Variants in UNC79 observed in about 807,000 individuals in gnomAD.
The protein encoded by UNC79 is unc-79 subunit of NALCN channel complex, also known as protein unc-79 homolog.
UNC79 carries 37 observed loss-of-function variants against 283.1 expected under a neutral mutation model. The ratio of observed to expected loss-of-function variants is 0.13; its 90% CI spans 0.10 to 0.17. UNC79 has a LOEUF of 0.17. UNC79 is among the 10% of genes least tolerant of loss of function. UNC79 has a pLI of 1.00. For missense variants in UNC79, 2,272 were observed against 3,211.1 expected, an observed-to-expected ratio of 0.71 and a Z score of 7.07; for synonymous variants, 1,107 against 1,200.2, an observed-to-expected ratio of 0.92 and a Z score of 1.61.
At chr14:93,360,861 C>G (rs2054205580) in intron 1 of UNC79, among the ~76,000 whole-genome samples, 1 of 152,028 alleles carries the variant, frequency 6.6e-6, no homozygotes, top group African/African-American at 2.4e-5. Flanking sequence ...TGGGGCCTGT[C>G]AAGATATTCC....
intron 1 of UNC79, among the ~76,000 whole-genome samples, chr14:93,405,890 A>G (rs111873842): frequency 3.6e-4 from 55 of 152,200 alleles, no homozygotes; most frequent in Non-Finnish European, 7.3e-4. Context: ...TACTTTCCCC[A>G]ATATCAGAAG....
At chr14:93,701,039 C>T (rs1722218640) in intron 47 of UNC79, among the ~76,000 whole-genome samples, 1 of 152,086 alleles carries the variant, frequency 6.6e-6, no homozygotes, top group African/African-American at 2.4e-5. Context: ...GTCCAGTACT[C>T]TACCTTGAAA....
chr14:93,371,851 C>T (rs559915842), intron 1 of UNC79, among the ~76,000 whole-genome samples: 1 of 150,968 alleles, frequency 6.6e-6, no homozygotes, highest in Admixed American at 6.6e-5. Context: ...AAAAAAAAAA[C>T]CAAAAAAAAC....
chr14:93,654,653 T>C (rs547797734), intron 37 of UNC79, among the ~76,000 whole-genome samples: 1 of 151,030 alleles, frequency 6.6e-6, no homozygotes, highest in African/African-American at 2.4e-5. Flanking sequence ...GAAATAGAAT[T>C]GCATAGAATA....
intron 22 of UNC79, among the ~76,000 whole-genome samples, chr14:93,588,680 G>T (rs1286583530): frequency 1.4e-5 from 2 of 145,722 alleles, no homozygotes; most frequent in Non-Finnish European, 3.0e-5. Context: ...GGTGGAGCTT[G>T]CAGTGAGCCG....
At position 93,524,084 on chromosome 14, in the gene UNC79, G is replaced by T. The variant is rs780116453; in HGVS notation, c.963+42G>T. ...CCTGGTGCCATACTGTATTGTCAGT[G>T]GTCAAATTGCTGAATGAAGTGGAGT... is the stretch of plus-strand genomic sequence containing the variant. On this transcript the variant is annotated intron_variant, in intron 8 of 48. Coordinates refer to ENST00000555664, the Ensembl canonical transcript of UNC79. 5 of 1,605,926 alleles carry T rather than the reference G, an allele frequency of 3.1e-6. No homozygotes were observed. In the South Asian group the frequency reaches 3.3e-5, roughly 11 times the overall value.
chr14:93,672,865 G>T (rs1366609706), intron 40 of UNC79, among the ~76,000 whole-genome samples: 1 of 152,182 alleles, frequency 6.6e-6, no homozygotes, highest in African/African-American at 2.4e-5. Context: ...AAAGCAAAAT[G>T]ATGTGATCTG....
intron 1 of UNC79, among the ~76,000 whole-genome samples, chr14:93,449,909 C>G (rs1036806100): frequency 6.6e-6 from 1 of 152,126 alleles, no homozygotes; most frequent in Non-Finnish European, 1.5e-5. Flanking sequence ...ATCTTTTAAT[C>G]TGGTGGTGGG....
chr14:93,577,879 A>C, exon 18 of UNC79: 1 of 1,614,236 alleles, frequency 6.2e-7, no homozygotes, highest in South Asian at 1.1e-5. Context: ...CGAGTTCAGC[A>C]CAATATGCTT....
At chr14:93,536,351 T>C (rs1392704271) in intron 11 of UNC79, among the ~76,000 whole-genome samples, 4 of 152,082 alleles carry the variant, frequency 2.6e-5, no homozygotes, top group Non-Finnish European at 5.9e-5. Flanking sequence ...CTTAGTTAGG[T>C]GCGAGTCCTG....
chr14:93,555,863 G>A (rs1455607889), intron 14 of UNC79, among the ~76,000 whole-genome samples: 1 of 152,168 alleles, frequency 6.6e-6, no homozygotes, highest in Non-Finnish European at 1.5e-5. Context: ...CTTAAACCAA[G>A]GGAGAAATGG....
intron 23 of UNC79, among the ~76,000 whole-genome samples, chr14:93,596,550 A>T (rs941461591): frequency 1.3e-5 from 2 of 152,288 alleles, no homozygotes; most frequent in Admixed American, 1.3e-4. Flanking sequence ...CATGAGAATC[A>T]CTTGAACCCG....
chr14:93,675,911 C>T (rs2073302791), intron 41 of UNC79, among the ~76,000 whole-genome samples: 1 of 152,158 alleles, frequency 6.6e-6, no homozygotes. Context: ...AGCAAAGTCA[C>T]AGCCAGAAAA....
intron 7 of UNC79, among the ~76,000 whole-genome samples, chr14:93,510,409 C>G (rs779927468): frequency 2.6e-5 from 4 of 152,154 alleles, no homozygotes; most frequent in Non-Finnish European, 4.4e-5. Context: ...GCAAATTTTC[C>G]AAATTTTTAT....
chr14:93,414,509 G>T (rs2055409497), intron 1 of UNC79, among the ~76,000 whole-genome samples: 1 of 152,132 alleles, frequency 6.6e-6, no homozygotes, highest in Non-Finnish European at 1.5e-5. Context: ...TGGCAATGCG[G>T]GCTCTTTTTT....
intron 1 of UNC79, among the ~76,000 whole-genome samples, chr14:93,438,359 C>CTAGGG (rs1566935503): frequency 6.6e-6 from 1 of 152,110 alleles, no homozygotes; most frequent in East Asian, 1.9e-4. Context: ...AAGCACTGTG[C>CTAGGG]TAGGCTCTAG....
At chr14:93,470,125 A>C (rs1389822944) in intron 2 of UNC79, among the ~76,000 whole-genome samples, 1 of 152,228 alleles carries the variant, frequency 6.6e-6, no homozygotes, top group Non-Finnish European at 1.5e-5. Context: ...AATTCTCACG[A>C]AGTAACTATT....
At chr14:93,486,688 T>C (rs1432280107) in intron 4 of UNC79, among the ~76,000 whole-genome samples, 1 of 146,626 alleles carries the variant, frequency 6.8e-6, no homozygotes, top group Non-Finnish European at 1.5e-5. Flanking sequence ...AGAAAGAAAG[T>C]CCTCTTGGGA....
At chr14:93,524,262 CTAT>C (rs2060449655) in intron 8 of UNC79, among the ~76,000 whole-genome samples, 1 of 152,168 alleles carries the variant, frequency 6.6e-6, no homozygotes, top group Non-Finnish European at 1.5e-5. Context: ...TAGCCAAGTG[CTAT>C]GTAGCACTGA....
Sources: gnomAD v4.1 joint callset for allele counts (sites outside exome capture counted in the v4.1 genomes callset) on GRCh38, gnomAD v4.1.1 for gene constraint, MANE v1.5 for transcripts, NCBI Gene and HGNC (gene_info 2026-07-23, HGNC 2026-07-21) for gene names.